AGL: variants seen among roughly 807,000 people sequenced by gnomAD.
AGL encodes glycogen debranching enzyme.
AGL carries 128 observed loss-of-function variants against 199.3 expected under a neutral mutation model. That is an observed-to-expected ratio of 0.64 (90% CI 0.56 to 0.74). The LOEUF is 0.74. Ranked by LOEUF, AGL falls within the 30% of genes least tolerant of loss-of-function variation. The probability of loss-of-function intolerance (pLI) is 0.00; values close to 1 mark genes in which losing one functional copy is unlikely to be tolerated. For missense variants in AGL, 1,809 were observed against 1,820.8 expected (o/e 0.99, Z 0.12); for synonymous variants, 584 against 594.7 (o/e 0.98, Z 0.26).
rs1302476902 is a variant in AGL at position 99,879,971 on chromosome 1, G to A, written c.1660G>A (p.Ala554Thr). The A allele has an allele frequency of 2.5e-6, 4 of 1,613,716 alleles. No homozygotes were observed. The highest frequency in any genetic ancestry group is 3.4e-6 in the Non-Finnish European group (4 of 1,179,824). Residue 554 changes from alanine (A) to threonine (T), a missense_variant, in exon 13 of 34, where the codon GCT (alanine) becomes ACT (threonine). Transcript: ENST00000361915. ...RNLQPNLYVV[A>T]ELFTGSEDLD... ...TTTGCAACCCAATTTATATGTAGTA[G>A]CTGAACTGTTCACAGGAAGTGAAGA...
intron 33 of AGL, among the ~76,000 whole-genome samples, chr1:99,920,815 A>G (rs1655466065): frequency 6.6e-6 from 1 of 152,150 alleles, no homozygotes; most frequent in Non-Finnish European, 1.5e-5. Flanking sequence ...GTACTTTTTG[A>G]ATTTGTTTTC....
Position 99,851,123 on chromosome 1 carries a change from A to G in AGL, c.81A>G (p.Gln27=). 1 of 1,613,342 alleles carries G rather than the reference A, an allele frequency of 6.2e-7. No individual in the cohort carries two copies. The change falls in exon 2 of 34, where the codon CAA becomes CAG. Residue 27 remains glutamine, a splice_region_variant and synonymous_variant. Coordinates refer to ENST00000361915, the MANE Select transcript of AGL (RefSeq NM_000642.3). ...AAAAGACCCTCTTCAGACTTGAACA[A>G]GGTCAGTAGCAAGTTGTTTTGATTT... The part of the protein sequence containing the change: ...KLEKTLFRLE[Q]GYELQFRLGP...
intron 12 of AGL, among the ~76,000 whole-genome samples, chr1:99,878,416 CTCA>C (rs1469315903): frequency 6.6e-6 from 1 of 151,822 alleles, no homozygotes; most frequent in Admixed American, 6.6e-5. Context: ...CCAGTCTAGC[CTCA>C]TCGATTTAAT....
At chr1:99,912,971 T>C (rs1654854495) in intron 29 of AGL, among the ~76,000 whole-genome samples, 1 of 152,158 alleles carries the variant, frequency 6.6e-6, no homozygotes, top group South Asian at 2.1e-4. Flanking sequence ...GCCTGTAATC[T>C]CCACACTTTG....
At chr1:99,909,029 G>A (rs1041087854) in intron 27 of AGL, among the ~76,000 whole-genome samples, 2 of 152,066 alleles carry the variant, frequency 1.3e-5, no homozygotes, top group Non-Finnish European at 2.9e-5. Flanking sequence ...TGGTTTTCCA[G>A]CTTCCTCCTC....
intron 27 of AGL, among the ~76,000 whole-genome samples, chr1:99,908,354 C>T (rs924583085): frequency 4.6e-5 from 7 of 152,142 alleles, no homozygotes; most frequent in Non-Finnish European, 4.4e-5. Flanking sequence ...TCTGGGTTCT[C>T]TGTTCCATAG....
rs1413975167 is a variant in AGL at position 99,895,406 on chromosome 1, A to G, written c.3260-880A>G. 2.0e-5 allele frequency among the ~76,000 whole-genome samples: 3 copies of G among 152,362 alleles called. No individual in the cohort carries two copies. In the East Asian group the frequency reaches 5.8e-4, roughly 29 times the overall value. On this transcript the variant is annotated intron_variant, in intron 24 of 33. Coordinates refer to ENST00000361915, the MANE Select transcript of AGL (RefSeq NM_000642.3). The stretch of plus-strand genomic sequence containing the variant: ...TAGAATGAAGGATTTAATGTGCCAG[A>G]TAACTTGAAGTGACAAGTAAAATTG...
At chr1:99,880,972 T>C in intron 14 of AGL, 104 bp from the exon 15 acceptor site, 1 of 1,229,024 alleles carries the variant, frequency 8.1e-7, no homozygotes, top group Non-Finnish European at 1.2e-6. Flanking sequence ...TAATTTACCT[T>C]ATGAATTTAT....
chr1:99,884,239 A>G lies in AGL; in HGVS notation c.2428A>G (p.Ile810Val), dbSNP rs1652272079. ...TATCACAGTAGAAATTAGAGAACAT[A>G]TTCAGGTATTTGGGACTCTCATCTT... The part of the protein sequence containing the change: ...PDITVEIREH[I>V]QLNESKIVKQ... The change falls in exon 18 of 34, where the codon ATT (isoleucine) becomes GTT (valine). Residue 810 changes from isoleucine to valine, a missense_variant. Transcript: ENST00000361915. 1 of 1,613,364 alleles carries G rather than the reference A, an allele frequency of 6.2e-7. No individual in the cohort carries two copies. The highest frequency in any genetic ancestry group is 8.5e-7 in the Non-Finnish European group (1 of 1,179,498).
intron 25 of AGL, 95 bp from the exon 26 acceptor site, chr1:99,900,541 G>T (rs200819872): frequency 1.8e-6 from 2 of 1,103,768 alleles, no homozygotes; most frequent in African/African-American, 3.1e-5. Flanking sequence ...GAGAGAAAAC[G>T]CATTCAAAAT....
chr1:99,908,942 G>A (rs1654525801), intron 27 of AGL, among the ~76,000 whole-genome samples: 1 of 152,058 alleles, frequency 6.6e-6, no homozygotes. Flanking sequence ...TCAAACCTTT[G>A]GGTGTGTTAA....
chr1:99,897,533 G>A (rs1013924952), intron 25 of AGL, among the ~76,000 whole-genome samples: 1 of 152,160 alleles, frequency 6.6e-6, no homozygotes, highest in Non-Finnish European at 1.5e-5. Flanking sequence ...TTTTAGGTGG[G>A]CATCTGAAAT....
intron 33 of AGL, among the ~76,000 whole-genome samples, chr1:99,920,313 CAGCCCTGTCTCCT>C (rs1272751876): frequency 6.6e-6 from 1 of 152,166 alleles, no homozygotes; most frequent in Non-Finnish European, 1.5e-5. Flanking sequence ...AGGTCTCTTC[CAGCCCTGTCTCCT>C]AGCTGCTGAT....
chr1:99,893,524 A>G (rs1310343593), intron 24 of AGL, among the ~76,000 whole-genome samples: 1 of 152,230 alleles, frequency 6.6e-6, no homozygotes, highest in Non-Finnish European at 1.5e-5. Flanking sequence ...CAAAGGAAAC[A>G]TTGATGTAAA....
Position 99,879,954 on chromosome 1 carries a change from C to T in AGL, c.1643C>T (p.Pro548Leu). The T allele has an allele frequency of 3.1e-6, 5 of 1,613,644 alleles. No homozygotes were observed. The highest frequency in any genetic ancestry group is 3.3e-5 in the Admixed American group (2 of 59,998). Reference sequence around the variant, plus strand: ...TTGGATGCTGCTAGGAATTTGCAACCCAATTTATATGTAGTAGCTGAACTG... The same window carrying T: ...TTGGATGCTGCTAGGAATTTGCAACTCAATTTATATGTAGTAGCTGAACTG... ...YMLDAARNLQ[P>L]NLYVVAELFT... Residue 548 changes from proline to leucine, a missense_variant, in exon 13 of 34, where the codon CCC (proline) becomes CTC (leucine). By Grantham distance (98) the Pro-to-Leu change is moderately conservative. Coordinates refer to ENST00000361915, the MANE Select transcript of AGL (RefSeq NM_000642.3).
chr1:99,901,688 C>G (rs1570485075), intron 26 of AGL, among the ~76,000 whole-genome samples: 1 of 143,340 alleles, frequency 7.0e-6, no homozygotes, highest in Admixed American at 7.2e-5. Context: ...TTTCCCTAAT[C>G]AAGAATGGAC....
In AGL at chr1:99,892,442, A is replaced by G; in HGVS notation, c.3094A>G (p.Asn1032Asp). 12 of 1,613,534 alleles carry G rather than the reference A, an allele frequency of 7.4e-6. No individual in the cohort carries two copies. The highest frequency in any genetic ancestry group is 1.0e-5 in the Non-Finnish European group (12 of 1,179,608). The change falls in exon 24 of 34, where the codon AAT becomes GAT. Residue 1032 changes from asparagine (N) to aspartate (D), a missense_variant. Physicochemically the swap from Asn to Asp is conservative, Grantham distance 23. Transcript: ENST00000361915. ...AWKQMSSFVQ[N>D]GSTFVKHLSL... ...TCACTTTTGTTACAGCTTTGTTCAG[A>G]ATGGTTCAACCTTTGTGAAACACCT...
At chr1:99,913,481 A>G (rs753263969) in intron 29 of AGL, 46 bp from the exon 30 acceptor site, 4 of 1,436,328 alleles carry the variant, frequency 2.8e-6, no homozygotes, top group South Asian at 2.3e-5. Context: ...AGATGTGTGA[A>G]TTGTTTTGAA....
Position 99,874,702 on chromosome 1 carries a change from C to G in AGL, c.974C>G (p.Thr325Ser), listed in dbSNP as rs2101126080. The G allele has an allele frequency of 6.3e-7, 1 of 1,593,284 alleles. No individual in the cohort carries two copies. Among genetic ancestry groups the G allele is most frequent in the Non-Finnish European group, 8.6e-7 (1 of 1,166,192 alleles). ...TTTCTTTTAGAAAATAGGCGAGTAA[C>G]CAAGTCTGATCCAAACCAACACCTT... ...RLLTQENRRV[T>S]KSDPNQHLTI... Residue 325 changes from threonine (T) to serine (S), a missense_variant, in exon 8 of 34, where the codon ACC becomes AGC. Transcript: ENST00000361915.
Sources: gnomAD v4.1 joint callset for allele counts (sites outside exome capture counted in the v4.1 genomes callset) on GRCh38, gnomAD v4.1.1 for gene constraint, MANE v1.5 for transcripts, NCBI Gene and HGNC (gene_info 2026-07-23, HGNC 2026-07-21) for gene names.